Variants in ARHGAP24 observed in about 807,000 individuals in gnomAD.
The protein encoded by ARHGAP24 is Rho GTPase activating protein 24.
In ARHGAP24, 50 loss-of-function variants were observed where a neutral mutation model predicts 76.4. The observed-to-expected ratio is 0.65, with a 90% CI of 0.52 to 0.83. ARHGAP24 has a LOEUF of 0.83. ARHGAP24 is among the 40% of genes least tolerant of loss of function. The pLI, the probability that ARHGAP24 is intolerant of heterozygous loss-of-function variation, is 0.00. For missense variants in ARHGAP24, 930 were observed against 914.2 expected, an observed-to-expected ratio of 1.02 and a Z score of -0.22; for synonymous variants, 345 against 323.3, an observed-to-expected ratio of 1.07 and a Z score of -0.72.
At chr4:85,657,185 A>G (rs1722207581) in intron 2 of ARHGAP24, among the ~76,000 whole-genome samples, 1 of 152,056 alleles carries the variant, frequency 6.6e-6, no homozygotes, top group Non-Finnish European at 1.5e-5. Context: ...CTGGGCTATA[A>G]ATTTCTTCAT....
At chr4:85,890,852 CAT>C (rs1230549532) in intron 3 of ARHGAP24, among the ~76,000 whole-genome samples, 5 of 152,146 alleles carry the variant, frequency 3.3e-5, no homozygotes, top group African/African-American at 9.7e-5. Context: ...GACAATAGCA[CAT>C]AAAATCCATT....
chr4:85,876,712 G>A (rs1272638038), intron 3 of ARHGAP24, among the ~76,000 whole-genome samples: 2 of 152,072 alleles, frequency 1.3e-5, no homozygotes, highest in Non-Finnish European at 2.9e-5. Context: ...TTGGCTTTTA[G>A]CCTCTCTGAT....
intron 2 of ARHGAP24, among the ~76,000 whole-genome samples, chr4:85,603,493 C>T (rs1240108288): frequency 6.6e-6 from 1 of 152,156 alleles, no homozygotes; most frequent in African/African-American, 2.4e-5. Context: ...AAATACTTAA[C>T]ATCTTTATTT....
At chr4:85,523,713 A>G (rs189019929) in intron 1 of ARHGAP24, among the ~76,000 whole-genome samples, 3 of 152,306 alleles carry the variant, frequency 2.0e-5, no homozygotes, top group Non-Finnish European at 1.5e-5. Flanking sequence ...CATATCACCT[A>G]TAATATGTAA....
chr4:85,517,823 C>T (rs185104948), intron 1 of ARHGAP24, among the ~76,000 whole-genome samples: 113 of 152,006 alleles, frequency 7.4e-4, no homozygotes, highest in African/African-American at 2.7e-3. Context: ...AAAATTATTC[C>T]ACATTTAGAG....
intron 3 of ARHGAP24, among the ~76,000 whole-genome samples, chr4:85,844,633 G>T (rs1214624857): frequency 1.3e-5 from 2 of 152,128 alleles, no homozygotes; most frequent in Non-Finnish European, 2.9e-5. Flanking sequence ...TGAACACTTT[G>T]CACCTTTTCT....
Position 85,540,936 on chromosome 4 carries a change from T to C in ARHGAP24, c.-20-29586T>C, listed in dbSNP as rs140667284. On this transcript the variant is annotated intron_variant, in intron 1 of 9. Coordinates refer to ENST00000395184, the MANE Select transcript of ARHGAP24 (RefSeq NM_001025616.3). Reference sequence around the variant, plus strand: ...TACTCCTTACAAAAGGGAAGGTTTGTTACTGTGCAGTTTACTAAAGATAAT... The same window carrying C: ...TACTCCTTACAAAAGGGAAGGTTTGCTACTGTGCAGTTTACTAAAGATAAT... Among the ~76,000 whole-genome samples the C allele has an allele frequency of 1.8e-3, 221 of 125,898 alleles. 1 individual carries two copies. In the Middle Eastern group the frequency reaches 0.033, roughly 19 times the overall value. 82.6% of individuals were successfully genotyped at this position (125,898 alleles called of 152,430 possible).
At chr4:85,731,620 C>T (rs1725412941) in intron 3 of ARHGAP24, among the ~76,000 whole-genome samples, 1 of 152,128 alleles carries the variant, frequency 6.6e-6, no homozygotes, top group African/African-American at 2.4e-5. Flanking sequence ...TCAGACTCTA[C>T]ACGATTTTAA....
At chr4:85,517,244 AT>A (rs1299230614) in intron 1 of ARHGAP24, among the ~76,000 whole-genome samples, 1 of 152,136 alleles carries the variant, frequency 6.6e-6, no homozygotes, top group Non-Finnish European at 1.5e-5. Flanking sequence ...TTAATAAAAC[AT>A]TTTTTCACCT....
intron 1 of ARHGAP24, among the ~76,000 whole-genome samples, chr4:85,533,109 A>G (rs1412924363): frequency 6.6e-6 from 1 of 152,190 alleles, no homozygotes; most frequent in Non-Finnish European, 1.5e-5. Context: ...GATAAAATAT[A>G]TAGTGGGAAT....
rs753544109 is a variant in ARHGAP24, at chr4:85,923,737, A to G, written c.358A>G (p.Ile120Val). The G allele has an allele frequency of 1.4e-5, 22 of 1,614,014 alleles. No homozygotes were observed. The highest frequency in any genetic ancestry group is 1.8e-5 in the Non-Finnish European group (21 of 1,179,942). Residue 120 changes from isoleucine to valine, a missense_variant, in exon 4 of 10, where the codon ATC becomes GTC. Ile to Val is a conservative substitution (Grantham distance 29). Transcript: ENST00000395184. ...QNDMEDWVKSIRRVIWGPFGG... is the reference protein window; with the variant it reads ...QNDMEDWVKSVRRVIWGPFGG... ...TGATATGGAAGACTGGGTGAAGTCA[A>G]TCCGCCGAGTCATATGGGGACCTTT...
At chr4:85,713,442 C>A (rs1025800978) in intron 2 of ARHGAP24, among the ~76,000 whole-genome samples, 1 of 152,094 alleles carries the variant, frequency 6.6e-6, no homozygotes, top group Non-Finnish European at 1.5e-5. Flanking sequence ...TATAACCTGA[C>A]TATCCAAAAA....
chr4:85,701,412 C>A (rs1485311737), intron 2 of ARHGAP24, among the ~76,000 whole-genome samples: 1 of 152,096 alleles, frequency 6.6e-6, no homozygotes, highest in African/African-American at 2.4e-5. Flanking sequence ...AATATATCTT[C>A]TTTTTTCCCT....
intron 1 of ARHGAP24, among the ~76,000 whole-genome samples, chr4:85,508,821 G>A (rs1408477759): frequency 6.6e-6 from 1 of 152,048 alleles, no homozygotes; most frequent in Non-Finnish European, 1.5e-5. Context: ...TTCTCCATAT[G>A]TTCTAACCTA....
At chr4:85,652,906 T>C (rs1721999092) in intron 2 of ARHGAP24, among the ~76,000 whole-genome samples, 1 of 152,224 alleles carries the variant, frequency 6.6e-6, no homozygotes, top group Admixed American at 6.5e-5. Context: ...TTTGTTTGTT[T>C]GTTTTAGAGT....
chr4:85,667,745 A>G (rs920130473), intron 2 of ARHGAP24, among the ~76,000 whole-genome samples: 17 of 152,332 alleles, frequency 1.1e-4, no homozygotes, highest in African/African-American at 3.6e-4. Flanking sequence ...TGTATCCAGT[A>G]TCATAAAGAA....
intron 3 of ARHGAP24, among the ~76,000 whole-genome samples, chr4:85,835,519 G>A (rs1477138572): frequency 1.4e-5 from 2 of 141,348 alleles, no homozygotes; most frequent in African/African-American, 5.3e-5. Context: ...TCGCGCCACT[G>A]CACTCCAGCC....
chr4:85,600,356 G>T (rs1365308592), intron 2 of ARHGAP24, among the ~76,000 whole-genome samples: 1 of 152,112 alleles, frequency 6.6e-6, no homozygotes, highest in African/African-American at 2.4e-5. Flanking sequence ...TTAAGAAAGG[G>T]AGTGACATGA....
At chr4:85,721,010 C>T (rs192332283) in intron 2 of ARHGAP24, among the ~76,000 whole-genome samples, 6 of 151,984 alleles carry the variant, frequency 3.9e-5, no homozygotes, top group Admixed American at 6.6e-5. Context: ...AATAGAATAG[C>T]GGGAAGTCAA....
Sources: gnomAD v4.1 joint callset for allele counts (sites outside exome capture counted in the v4.1 genomes callset) on GRCh38, gnomAD v4.1.1 for gene constraint, MANE v1.5 for transcripts, NCBI Gene and HGNC (gene_info 2026-07-23, HGNC 2026-07-21) for gene names.